The following DAB1 variants were observed in gnomAD, a reference collection of about 807,000 sequenced individuals.
The protein encoded by DAB1 is disabled homolog 1.
A neutral mutation model predicts 64.6 loss-of-function variants in DAB1; 15 were observed. The ratio of observed to expected loss-of-function variants is 0.23; its 90% confidence interval spans 0.16 to 0.36. DAB1 has a LOEUF of 0.36. Ranked by LOEUF, DAB1 falls within the 10% of genes least tolerant of loss-of-function variation. DAB1 has a pLI of 1.00. For missense variants in DAB1, 596 were observed against 706.7 expected (o/e 0.84, Z 1.78); for synonymous variants, 235 against 251.9 (o/e 0.93, Z 0.64).
chr1:57,996,920 T>C (rs1188532584), intron 5 of DAB1, among the ~76,000 whole-genome samples: 1 of 152,078 alleles, frequency 6.6e-6, no homozygotes, highest in Non-Finnish European at 1.5e-5. Flanking sequence ...AAAGTATTGT[T>C]AGAGTAGGTA....
rs1569864727 is a variant in DAB1, at chr1:58,484,735, G to C, written n.257+21325C>G. Among the ~76,000 whole-genome samples the C allele has an allele frequency of 5.3e-5, 8 of 152,194 alleles. 1 individual carries two copies. In the South Asian group the frequency reaches 1.7e-3, roughly 32 times the overall value. On this transcript the variant is annotated intron_variant and non_coding_transcript_variant, in intron 3 of 20. Coordinates refer to the DAB1 transcript ENST00000485760. ...ACAAAAGAATATTATTCAGATCTAA[G>C]AAGAAATTAGCTATCAAGCCATGAA...
intron 3 of DAB1, among the ~76,000 whole-genome samples, chr1:58,358,948 T>A (rs1233211818): frequency 6.5e-4 from 4 of 6,130 alleles, no homozygotes; most frequent in African/African-American, 2.8e-3. Flanking sequence ...TCTCTCTCTC[T>A]CTGTAACACA....
chr1:57,531,364 C>A (rs1211741403), intron 7 of DAB1, among the ~76,000 whole-genome samples: 1 of 152,160 alleles, frequency 6.6e-6, no homozygotes, highest in African/African-American at 2.4e-5. Flanking sequence ...AACTGCCCCA[C>A]CCCTATCTTC....
chr1:57,774,328 C>A (rs1382280064), intron 6 of DAB1, among the ~76,000 whole-genome samples: 1 of 151,744 alleles, frequency 6.6e-6, no homozygotes, highest in Admixed American at 6.6e-5. Context: ...TGGCTAAATT[C>A]ACCTCTTAAT....
At chr1:58,530,228 G>A (rs1569960504) in intron 1 of DAB1, among the ~76,000 whole-genome samples, 1 of 152,158 alleles carries the variant, frequency 6.6e-6, no homozygotes, top group African/African-American at 2.4e-5. Flanking sequence ...TCAGATTTTG[G>A]TATCCACAAG....
At chr1:57,785,460 C>T (rs1057347405) in intron 6 of DAB1, among the ~76,000 whole-genome samples, 1 of 152,076 alleles carries the variant, frequency 6.6e-6, no homozygotes, top group Admixed American at 6.6e-5. Context: ...ATTCTTCATG[C>T]CATTGAAAAC....
At position 57,535,620 on chromosome 1, in the gene DAB1, G is replaced by A. The variant is rs149133753; in HGVS notation, n.625+113972C>T. Reference sequence around the variant, plus strand: ...TGGGATTACAGGCACGCGCCACCACGCCTGGCTAATTTTTGTATTTTAGTA... The same window carrying A: ...TGGGATTACAGGCACGCGCCACCACACCTGGCTAATTTTTGTATTTTAGTA... On this transcript the variant is annotated intron_variant and non_coding_transcript_variant, in intron 7 of 20. Transcript: ENST00000485760. 6.7e-3 allele frequency among the ~76,000 whole-genome samples: 1,017 copies of A among 152,060 alleles called. 9 individuals are homozygous for A. The highest frequency in any genetic ancestry group is 0.023 in the African/African-American group (971 of 41,484).
At chr1:57,405,759 T>C (rs1683586100) in intron 1 of DAB1, among the ~76,000 whole-genome samples, 1 of 152,198 alleles carries the variant, frequency 6.6e-6, no homozygotes, top group Non-Finnish European at 1.5e-5. Flanking sequence ...GTAGTTCTTA[T>C]AACAGGAGAC....
chr1:57,265,917 G>A (rs994887042), intron 2 of DAB1, among the ~76,000 whole-genome samples: 1 of 152,112 alleles, frequency 6.6e-6, no homozygotes, highest in Non-Finnish European at 1.5e-5. Flanking sequence ...AGATTAGAGA[G>A]GACTTCAGAA....
At chr1:58,074,266 T>G (rs914218936) in intron 5 of DAB1, 1 of 151,856 alleles carries the variant, frequency 6.6e-6, no homozygotes, top group African/African-American at 2.4e-5. Flanking sequence ...TATTCTGTGG[T>G]CATTGGGTAC....
chr1:58,331,074 G>A (rs866215439), intron 4 of DAB1, among the ~76,000 whole-genome samples: 14 of 152,182 alleles, frequency 9.2e-5, no homozygotes, highest in African/African-American at 3.1e-4. Context: ...AGGATTCCCT[G>A]TTCTAGATGC....
At chr1:57,091,045 T>C (rs1319952030) in intron 4 of DAB1, among the ~76,000 whole-genome samples, 1 of 152,154 alleles carries the variant, frequency 6.6e-6, no homozygotes, top group Non-Finnish European at 1.5e-5. Context: ...TGCTATGCAT[T>C]ATAGCAGTTT....
At chr1:57,205,973 A>T (rs749500325) in intron 2 of DAB1, among the ~76,000 whole-genome samples, 1 of 152,132 alleles carries the variant, frequency 6.6e-6, no homozygotes, top group Admixed American at 6.6e-5. Flanking sequence ...ACACCAATTC[A>T]CTTTATTCTT....
At chr1:57,222,568 A>G (rs1666963392) in intron 2 of DAB1, among the ~76,000 whole-genome samples, 1 of 151,938 alleles carries the variant, frequency 6.6e-6, no homozygotes, top group Non-Finnish European at 1.5e-5. Flanking sequence ...ATGCTTAGGG[A>G]GAAATGGGGA....
chr1:57,957,001 G>A (rs1174532962), intron 5 of DAB1, among the ~76,000 whole-genome samples: 1 of 152,220 alleles, frequency 6.6e-6, no homozygotes, highest in African/African-American at 2.4e-5. Flanking sequence ...AAAACTGAAT[G>A]TCATCTGGTG....
At chr1:58,464,369 T>G (rs1289344821) in intron 3 of DAB1, among the ~76,000 whole-genome samples, 2 of 152,176 alleles carry the variant, frequency 1.3e-5, no homozygotes, top group Non-Finnish European at 2.9e-5. Flanking sequence ...GCACTAACTG[T>G]GTGCATGATA....
intron 3 of DAB1, among the ~76,000 whole-genome samples, chr1:58,354,729 G>A (rs1644094344): frequency 6.6e-6 from 1 of 152,138 alleles, no homozygotes. Flanking sequence ...GGAAGATTGT[G>A]CTAGAGTCCA....
chr1:57,536,214 C>A (rs1231789688), intron 7 of DAB1, among the ~76,000 whole-genome samples: 1 of 152,202 alleles, frequency 6.6e-6, no homozygotes, highest in East Asian at 1.9e-4. Context: ...ATCACACAGA[C>A]CCTGGCTTGG....
chr1:56,999,900 C>T (rs2101614546), intron 14 of DAB1, among the ~76,000 whole-genome samples: 1 of 152,320 alleles, frequency 6.6e-6, no homozygotes, highest in Admixed American at 6.5e-5. Context: ...TCCCTCCATG[C>T]CTTCTGCCCG....
Sources: gnomAD v4.1 joint callset for allele counts (sites outside exome capture counted in the v4.1 genomes callset) on GRCh38, gnomAD v4.1.1 for gene constraint, MANE v1.5 for transcripts, NCBI Gene and HGNC (gene_info 2026-07-23, HGNC 2026-07-21) for gene names.